MCM3AP: variants seen among roughly 807,000 people sequenced by gnomAD.
MCM3AP encodes germinal-center associated nuclear protein.
In MCM3AP, 126 loss-of-function variants were observed where a neutral mutation model predicts 184.1. The ratio of observed to expected loss-of-function variants is 0.68; its 90% CI spans 0.59 to 0.79. The LOEUF (loss-of-function observed/expected upper bound fraction) is 0.79. MCM3AP is among the 30% of genes least tolerant of loss of function. The pLI is 0.00. For missense variants in MCM3AP, 2,496 were observed against 2,479.2 expected (o/e 1.01, Z -0.14); for synonymous variants, 1,002 against 979.3 (o/e 1.02, Z -0.43).
chr21:46,280,677 C>T (rs1012825773), intron 2 of MCM3AP, 102 bp from the exon 3 acceptor site: 2 of 751,840 alleles, frequency 2.7e-6, no homozygotes, highest in African/African-American at 1.7e-5. Flanking sequence ...CATTCAAAGG[C>T]ACCAGGAGCT....
Position 46,241,024 on chromosome 21 carries a change from G to A in MCM3AP, c.5427-7C>T. The stretch of plus-strand genomic sequence containing the variant: ...AAAAGGCTTTATTGCCAAACTGTAA[G>A]TACATGATTTGAAATGTTTATGGTC... On this transcript the variant is annotated splice_region_variant and splice_polypyrimidine_tract_variant and intron_variant, in intron 25 of 27. Transcript: ENST00000291688. The A allele has an allele frequency of 7.5e-6, 12 of 1,599,622 alleles. No homozygotes were observed. Among genetic ancestry groups the A allele is most frequent in the Non-Finnish European group, 1.0e-5 (12 of 1,168,860 alleles).
chr21:46,241,175 C>T (rs1006083392), intron 25 of MCM3AP, 158 bp from the exon 26 acceptor site: 1 of 627,498 alleles, frequency 1.6e-6, no homozygotes, highest in African/African-American at 1.8e-5. Flanking sequence ...GGCCCCATGC[C>T]TGCTTCCAAG....
At position 46,284,561 on chromosome 21, in the gene MCM3AP, A is replaced by G. The variant is rs746236337; in HGVS notation, c.726T>C (p.Phe242=). 6.2e-7 allele frequency: 1 copy of G among 1,614,212 alleles called. No homozygotes were observed. Among genetic ancestry groups the G allele is most frequent in the Non-Finnish European group, 8.5e-7 (1 of 1,180,020 alleles). The part of the protein sequence containing the change: ...EEEKRGPKSI[F]GSSNNSFSSF... ...TACTGAAGCTATTATTAGAACTTCC[A>G]AATATTGACTTAGGTCCTCTCTTCT... is the stretch of plus-strand genomic sequence containing the variant. The change falls in exon 1 of 28, where the codon TTT becomes TTC. Residue 242 remains phenylalanine (F), a synonymous_variant. Transcript: ENST00000291688.
chr21:46,265,873 T>C lies in MCM3AP; in HGVS notation c.3031+52A>G, dbSNP rs9637172. 0.45 allele frequency: 674,675 copies of C among 1,504,506 alleles called. 153,742 individuals carry two copies. Among genetic ancestry groups the C allele is most frequent in the Admixed American group, 0.52 (24,405 of 46,980 alleles). 93.2% of individuals were successfully genotyped at this position (1,504,506 alleles called of 1,614,324 possible). A position where few individuals can be genotyped will look rare whatever the true frequency, so the allele number is the denominator to read the frequency against. ...AGATGCCCAGGCTCCTGGGAGGCGT[T>C]CTGGTGGGAAAATGCAGCTAGTCCC... On this transcript the variant is annotated intron_variant, in intron 11 of 27. Transcript: ENST00000291688.
chr21:46,280,478 A>G lies in MCM3AP; in HGVS notation c.1522+19T>C. ...AAAATAATTTTTTTAAAAAGTGAAA[A>G]GAATAATTGAAAACTCACTTATTTT... On this transcript the variant is annotated intron_variant, in intron 3 of 27. Transcript: ENST00000291688. The G allele has an allele frequency of 6.5e-7, 1 of 1,537,254 alleles. No homozygotes were observed. The highest frequency in any genetic ancestry group is 8.9e-7 in the Non-Finnish European group (1 of 1,122,566).
chr21:46,283,514 A>G (rs2081358812), intron 2 of MCM3AP, 101 bp downstream of exon 2: 3 of 715,300 alleles, frequency 4.2e-6, no homozygotes, highest in African/African-American at 1.8e-5. Flanking sequence ...CTTTCTCTAT[A>G]TTATAGTAAG....
intron 2 of MCM3AP, among the ~76,000 whole-genome samples, chr21:46,281,989 C>A (rs1179263178): frequency 6.6e-6 from 1 of 151,994 alleles, no homozygotes; most frequent in Non-Finnish European, 1.5e-5. Flanking sequence ...CAGAGCAAGG[C>A]CCCGTCTCAA....
rs1317556951 is a variant in MCM3AP, at chr21:46,246,680, C to G, written c.4497G>C (p.Val1499=). The change falls in exon 21 of 28, where the codon GTG becomes GTC. Residue 1499 remains valine, a synonymous_variant. Coordinates refer to ENST00000291688, the MANE Select transcript of MCM3AP (RefSeq NM_003906.5). ...CCCCTCCTGGGCTAGGCACAAGAAC[C>G]ACCAGAGGAAGCGCAGGCTGGAAGG... is the stretch of plus-strand genomic sequence containing the variant. ...AKPFQPALPL[V]VLVPSPGGDA... 1.2e-6 allele frequency: 2 copies of G among 1,614,222 alleles called. No homozygotes were observed. Among genetic ancestry groups the G allele is most frequent in the South Asian group, 1.1e-5 (1 of 91,084 alleles).
chr21:46,274,859 A>G (rs924242738), intron 6 of MCM3AP, among the ~76,000 whole-genome samples: 1 of 145,718 alleles, frequency 6.9e-6, no homozygotes, highest in African/African-American at 2.5e-5. Context: ...GGATCACCTG[A>G]GCCTGGGAAG....
At chr21:46,240,761 C>A in intron 26 of MCM3AP, 50 bp downstream of exon 26, 1 of 1,523,408 alleles carries the variant, frequency 6.6e-7, no homozygotes. Context: ...TCTCCCCTCA[C>A]AGCATAAAGC....
intron 21 of MCM3AP, 58 bp from the exon 22 acceptor site, chr21:46,246,462 C>A (rs889340937): frequency 7.3e-7 from 1 of 1,360,754 alleles, no homozygotes; most frequent in African/African-American, 1.4e-5. Context: ...CACCTGCTAA[C>A]ATATCTCACT....
chr21:46,239,741 T>C (rs2080618109), intron 26 of MCM3AP, among the ~76,000 whole-genome samples: 1 of 151,936 alleles, frequency 6.6e-6, no homozygotes, highest in Admixed American at 6.6e-5. Flanking sequence ...TCCATGAAAC[T>C]GGATGAAATT....
At chr21:46,286,146 C>G (rs1249355913), upstream of MCM3AP, 3 of 152,292 alleles carry the variant, frequency 2.0e-5, no homozygotes, top group Admixed American at 2.0e-4. Flanking sequence ...AGCCCCCACG[C>G]TCACCGTCTC....
chr21:46,264,168 T>C lies in MCM3AP; in HGVS notation c.3284A>G (p.Asp1095Gly). Residue 1095 changes from aspartate (D) to glycine (G), a missense_variant, in exon 13 of 28, where the codon GAC (aspartate) becomes GGC (glycine). Physicochemically the swap from Asp to Gly is moderately conservative, Grantham distance 94. Transcript: ENST00000291688. ...ACCCGCAGAGCCAACTTCCTCACAGTCCCTCTGCAGGGCCTCCTGGATGAG... is the reference window on the plus strand; with the variant it reads ...ACCCGCAGAGCCAACTTCCTCACAGCCCCTCTGCAGGGCCTCCTGGATGAG... ...DELIQEALQRDCEEVGSAGAA... is the reference protein window; with the variant it reads ...DELIQEALQRGCEEVGSAGAA... 6.2e-7 allele frequency: 1 copy of C among 1,613,934 alleles called. No individual in the cohort carries two copies. Among genetic ancestry groups the C allele is most frequent in the Non-Finnish European group, 8.5e-7 (1 of 1,179,958 alleles).
At chr21:46,279,495 C>T (rs1015980053) in intron 4 of MCM3AP, among the ~76,000 whole-genome samples, 3 of 152,278 alleles carry the variant, frequency 2.0e-5, no homozygotes, top group African/African-American at 4.8e-5. Flanking sequence ...TCCCACAGAG[C>T]AGGCACTCTG....
At chr21:46,260,679 C>T in intron 15 of MCM3AP, 114 bp downstream of exon 15, 4 of 712,364 alleles carry the variant, frequency 5.6e-6, no homozygotes, top group Non-Finnish European at 9.8e-6. Flanking sequence ...ATCAAAGTAG[C>T]TTAGACAGGC....
At chr21:46,241,362 ATTCTGTTCTTCCCTAGTATTGGCAAGGT>A in intron 25 of MCM3AP, 1 of 207,694 alleles carries the variant, frequency 4.8e-6, no homozygotes, top group Non-Finnish European at 9.8e-6. Flanking sequence ...AGGGTTCCAG[ATTCTGTTCTTCCCTAGTATTGGCAAGGT>A]TTTTTATAGA....
At position 46,245,122 on chromosome 21, in the gene MCM3AP, A is replaced by G; in HGVS notation, c.4723T>C (p.Tyr1575His). 1 of 1,614,234 alleles carries G rather than the reference A, an allele frequency of 6.2e-7. No homozygotes were observed. Among genetic ancestry groups the G allele is most frequent in the Non-Finnish European group, 8.5e-7 (1 of 1,180,026 alleles). ...LDLCCQTLIQ[Y>H]VEDGIGHEFS... ...TCATGGCCAATCCCGTCTTCGACGT[A>G]CTGAATGAGAGTCTGGCAGCAGAGG... is the stretch of plus-strand genomic sequence containing the variant. The change falls in exon 23 of 28, where the codon TAC becomes CAC. Residue 1575 changes from tyrosine (Y) to histidine (H), a missense_variant. By Grantham distance (83) the Tyr-to-His change is moderately conservative. Transcript: ENST00000291688.
In MCM3AP at chr21:46,284,797, G is replaced by C. The variant is rs553555601; in HGVS notation, c.490C>G (p.Pro164Ala). ...FKPILGAESEPEKTQSQIASG... is the reference protein window; with the variant it reads ...FKPILGAESEAEKTQSQIASG... ...GCAATTTGGCTCTGGGTTTTCTCTG[G>C]CTCAGATTCAGCCCCCAGTATTGGT... Residue 164 changes from proline to alanine, a missense_variant, in exon 1 of 28, where the codon CCA becomes GCA. Transcript: ENST00000291688. 198 of 1,613,614 alleles carry C rather than the reference G, an allele frequency of 1.2e-4. 2 individuals are homozygous for C. In the South Asian group the frequency reaches 2.1e-3, roughly 17 times the overall value.
Sources: gnomAD v4.1 joint callset for allele counts (sites outside exome capture counted in the v4.1 genomes callset) on GRCh38, gnomAD v4.1.1 for gene constraint, MANE v1.5 for transcripts, NCBI Gene and HGNC (gene_info 2026-07-23, HGNC 2026-07-21) for gene names.